Variants in ERCC6L2 observed in about 807,000 individuals in gnomAD.
ERCC6L2 encodes the protein ERCC excision repair 6 like 2.
In ERCC6L2, 77 loss-of-function variants were observed where a neutral mutation model predicts 132.0. The observed-to-expected ratio is 0.58, with a 90% CI of 0.49 to 0.71. The LOEUF (loss-of-function observed/expected upper bound fraction) is 0.71, where lower values mean the gene tolerates loss of function less well. ERCC6L2 is among the 30% of genes least tolerant of loss of function. The pLI is 0.00. For missense variants in ERCC6L2, 1,542 were observed against 1,837.6 expected (o/e 0.84, Z 2.94); for synonymous variants, 583 against 632.4 (o/e 0.92, Z 1.17).
intron 13 of ERCC6L2, among the ~76,000 whole-genome samples, chr9:95,958,458 T>A (rs1310428711): frequency 6.6e-6 from 1 of 152,130 alleles, no homozygotes; most frequent in African/African-American, 2.4e-5. Flanking sequence ...TTGAACTAGT[T>A]TACAGTCCCA....
chr9:95,907,777 G>A (rs1476136839), intron 4 of ERCC6L2, among the ~76,000 whole-genome samples: 1 of 140,392 alleles, frequency 7.1e-6, no homozygotes, highest in African/African-American at 2.6e-5. Flanking sequence ...TAATTTTCAT[G>A]AATTATTTCA....
chr9:95,964,482 G>A (rs531753348), intron 13 of ERCC6L2, among the ~76,000 whole-genome samples: 118 of 152,114 alleles, frequency 7.8e-4, no homozygotes, highest in South Asian at 2.3e-3. Flanking sequence ...TTTTTATAAG[G>A]GTCAGATGTG....
At chr9:95,945,532 A>G (rs1236539289) in intron 12 of ERCC6L2, among the ~76,000 whole-genome samples, 2 of 152,236 alleles carry the variant, frequency 1.3e-5, no homozygotes, top group Non-Finnish European at 2.9e-5. Flanking sequence ...TCACAAGGGT[A>G]TTGACTGGGG....
At chr9:95,954,317 G>A (rs1157240493) in intron 12 of ERCC6L2, among the ~76,000 whole-genome samples, 7 of 151,954 alleles carry the variant, frequency 4.6e-5, no homozygotes, top group Admixed American at 6.6e-5. Flanking sequence ...TTAGGTCATC[G>A]AGACATATTA....
At chr9:95,946,088 G>C (rs1587954281) in intron 12 of ERCC6L2, among the ~76,000 whole-genome samples, 2 of 151,970 alleles carry the variant, frequency 1.3e-5, no homozygotes, top group South Asian at 4.1e-4. Flanking sequence ...TAGAATTCAA[G>C]ACAAAAGGCA....
intron 6 of ERCC6L2, among the ~76,000 whole-genome samples, chr9:95,919,363 C>G (rs1371047554): frequency 6.6e-6 from 1 of 152,096 alleles, no homozygotes; most frequent in African/African-American, 2.4e-5. Flanking sequence ...AAAAATGTCA[C>G]TGCTTTGTCC....
chr9:95,977,410 T>C (rs1466669431), intron 16 of ERCC6L2, among the ~76,000 whole-genome samples: 7 of 152,222 alleles, frequency 4.6e-5, no homozygotes, highest in Admixed American at 4.6e-4. Context: ...TTACAGGCCT[T>C]GGTTCTAGCT....
intron 17 of ERCC6L2, among the ~76,000 whole-genome samples, chr9:95,980,327 C>A (rs1442281196): frequency 1.3e-5 from 2 of 152,120 alleles, no homozygotes; most frequent in African/African-American, 2.4e-5. Context: ...CACACATACA[C>A]CAACTTAATA....
chr9:96,010,992 A>G (rs533329087), intron 18 of ERCC6L2, among the ~76,000 whole-genome samples: 12 of 152,328 alleles, frequency 7.9e-5, no homozygotes, highest in South Asian at 6.2e-4. Context: ...TGCACTCACT[A>G]TCTATGACTT....
chr9:96,003,632 A>G (rs1564298062), intron 17 of ERCC6L2, among the ~76,000 whole-genome samples: 1 of 152,156 alleles, frequency 6.6e-6, no homozygotes, highest in Non-Finnish European at 1.5e-5. Flanking sequence ...TATAGACTAT[A>G]GCACCCACAT....
chr9:96,027,977 T>A (rs1469316066), intron 19 of ERCC6L2: 1 of 152,244 alleles, frequency 6.6e-6, no homozygotes, highest in Non-Finnish European at 1.5e-5. Flanking sequence ...AACTCTGCCC[T>A]GGATTCTCCG....
At chr9:95,933,582 C>G (rs376422721) in intron 11 of ERCC6L2, among the ~76,000 whole-genome samples, 2 of 152,098 alleles carry the variant, frequency 1.3e-5, no homozygotes, top group African/African-American at 4.8e-5. Flanking sequence ...CAGTGGCTCA[C>G]GCGTGTATTC....
At chr9:95,897,086 T>C (rs1828505565) in intron 2 of ERCC6L2, among the ~76,000 whole-genome samples, 1 of 152,124 alleles carries the variant, frequency 6.6e-6, no homozygotes, top group Admixed American at 6.5e-5. Flanking sequence ...TGTAAGGTAA[T>C]GATCAGTTAT....
intron 14 of ERCC6L2, chr9:95,967,843 T>G (rs1299837704): frequency 6.6e-6 from 1 of 152,146 alleles, no homozygotes; most frequent in Admixed American, 6.6e-5. Flanking sequence ...TAACTTTGTT[T>G]GCCCTCCAGC....
In ERCC6L2 at chr9:96,004,697, C is replaced by T. The variant is rs1833805224; in HGVS notation, c.3670C>T (p.Arg1224Cys). The change falls in exon 18 of 19, where the codon CGC (arginine) becomes TGC (cysteine). Residue 1224 changes from arginine (R) to cysteine (C), a missense_variant. By Grantham distance (180) the Arg-to-Cys change is radical. Coordinates refer to ENST00000653738, the MANE Select transcript of ERCC6L2 (RefSeq NM_020207.7). ...AATTGGAGAAACACCAAAAGGAATC[C>T]GCAGGTATATTGTCTCTGACAATAC... Reference protein sequence around the residue: ...FIIGETPKGIRRKQFEEMASY... With the variant: ...FIIGETPKGICRKQFEEMASY... The T allele has an allele frequency of 3.0e-6, 4 of 1,338,732 alleles. No individual in the cohort carries two copies. The highest frequency in any genetic ancestry group is 4.0e-6 in the Non-Finnish European group (4 of 1,005,844). 82.9% of individuals were successfully genotyped at this position (1,338,732 alleles called of 1,614,324 possible). A position where few individuals can be genotyped will look rare whatever the true frequency, so the allele number is the denominator to read the frequency against.
At chr9:95,990,927 C>T (rs1833276035) in intron 17 of ERCC6L2, among the ~76,000 whole-genome samples, 1 of 152,118 alleles carries the variant, frequency 6.6e-6, no homozygotes, top group Non-Finnish European at 1.5e-5. Flanking sequence ...CGGTGGGCGG[C>T]TCTCAGCAGA....
chr9:95,927,365 T>C (rs1830144457), intron 9 of ERCC6L2, among the ~76,000 whole-genome samples: 1 of 152,194 alleles, frequency 6.6e-6, no homozygotes, highest in Non-Finnish European at 1.5e-5. Flanking sequence ...ATAGAAAATT[T>C]CTTTTTCCCC....
intron 9 of ERCC6L2, among the ~76,000 whole-genome samples, chr9:95,925,463 A>G (rs1395408481): frequency 6.6e-6 from 1 of 152,166 alleles, no homozygotes; most frequent in Non-Finnish European, 1.5e-5. Context: ...AAATAATACG[A>G]TTCCTTTATA....
At chr9:96,005,173 C>T (rs985864965) in intron 18 of ERCC6L2, among the ~76,000 whole-genome samples, 2 of 151,996 alleles carry the variant, frequency 1.3e-5, no homozygotes, top group Non-Finnish European at 2.9e-5. Flanking sequence ...ATTAGCCGGG[C>T]GTGGTGGCGG....
Sources: allele counts gnomAD v4.1 joint callset (sites outside exome capture counted in the v4.1 genomes callset), GRCh38; gene constraint gnomAD v4.1.1; transcripts MANE v1.5; gene names NCBI Gene and HGNC (gene_info 2026-07-23, HGNC 2026-07-21).